CCDC157: variants seen among roughly 807,000 people sequenced by gnomAD.
The protein encoded by CCDC157 is coiled-coil domain containing 157.
A neutral mutation model predicts 70.9 loss-of-function variants in CCDC157; 60 were observed. The ratio of observed to expected loss-of-function variants is 0.85; its 90% CI spans 0.69 to 1.05. The LOEUF (loss-of-function observed/expected upper bound fraction) is 1.05. CCDC157 is among the 50% of genes least tolerant of loss of function. The pLI, the probability that CCDC157 is intolerant of heterozygous loss-of-function variation, is 0.00. For synonymous variants in CCDC157, 373 were observed against 422.4 expected, an observed-to-expected ratio of 0.88 and a Z score of 1.43; for missense variants, 943 against 984.2, an observed-to-expected ratio of 0.96 and a Z score of 0.56.
rs752632130 is a variant in CCDC157, at chr22:30,366,208, C to T, written c.208C>T (p.Gln70Ter). The change falls in exon 3 of 12, where the codon CAG (glutamine) becomes TAG (stop). Residue 70 changes from glutamine (Q) to a stop codon, truncating the protein, a stop_gained. Transcript: ENST00000338306. LOFTEE classifies it high-confidence loss of function. ...DHVPGDPEFT[Q>*]LSHAVLLELV... ...TGTTCCGGGTGACCCCGAGTTCACG[C>T]AGCTGTCCCATGCCGTGCTGCTGGA... is the stretch of plus-strand genomic sequence containing the variant. 12 of 1,613,656 alleles carry T rather than the reference C, an allele frequency of 7.4e-6. No individual in the cohort carries two copies. Among genetic ancestry groups the T allele is most frequent in the African/African-American group, 1.3e-5 (1 of 74,944 alleles).
intron 2 of CCDC157, among the ~76,000 whole-genome samples, chr22:30,365,331 G>C (rs1932646832): frequency 6.6e-6 from 1 of 151,362 alleles, no homozygotes; most frequent in South Asian, 2.1e-4. Flanking sequence ...GGTAGGAGGG[G>C]AGACTGTGGG....
At position 30,370,712 on chromosome 22, in the gene CCDC157, T is replaced by A; in HGVS notation, c.807T>A (p.Ala269=). 1 of 1,613,482 alleles carries A rather than the reference T, an allele frequency of 6.2e-7. No individual in the cohort carries two copies. Among genetic ancestry groups the A allele is most frequent in the Non-Finnish European group, 8.5e-7 (1 of 1,179,860 alleles). ...GCATGGGGCTCAGGCCACTGCCGGC[T>A]GCCACCGTGGGCCGCTGGGCAGCAG... ...QDSMGLRPLP[A]ATVGRWAAEQ... is the part of the protein sequence containing the mutation. Residue 269 remains alanine (A), a synonymous_variant, in exon 5 of 12, where the codon GCT becomes GCA. Transcript: ENST00000338306.
At chr22:30,366,324 C>A in intron 3 of CCDC157, 76 bp downstream of exon 3, 1 of 1,579,640 alleles carries the variant, frequency 6.3e-7, no homozygotes, top group Non-Finnish European at 8.7e-7. Context: ...CTACGGAAGC[C>A]CCTCCAGAGG....
chr22:30,370,609 G>GCAAGGTGGT lies in CCDC157; in HGVS notation c.707_715dup (p.Lys236_Val238dup), dbSNP rs1356373877. 6.2e-7 allele frequency: 1 copy of GCAAGGTGGT among 1,613,990 alleles called. No homozygotes were observed. The highest frequency in any genetic ancestry group is 2.2e-5 in the East Asian group (1 of 44,904). ...GTCCAGGGAAGCCTGCAGAAGGTGG[G>GCAAGGTGGT]CAAGGTGGTCATCAGCCTGTGTCAG... On this transcript the variant is annotated inframe_insertion, in exon 5 of 12. Coordinates refer to ENST00000338306, the MANE Select transcript of CCDC157 (RefSeq NM_001017437.5).
At chr22:30,370,086 A>C (rs1396156162) in intron 4 of CCDC157, 1 of 600,424 alleles carries the variant, frequency 1.7e-6, no homozygotes, top group Non-Finnish European at 3.0e-6. Flanking sequence ...CATGCATACA[A>C]TCAGATCAAG....
rs745920990 is a variant in CCDC157, at chr22:30,369,518, C to T, written c.335C>T (p.Pro112Leu). 8 of 1,607,812 alleles carry T rather than the reference C, an allele frequency of 5.0e-6. No individual in the cohort carries two copies. The highest frequency in any genetic ancestry group is 6.8e-6 in the Non-Finnish European group (8 of 1,176,694). ...QMMPPAQAAG[P>L]CMSVGLTVRR... ...ATGCCCCCTGCACAGGCTGCGGGGC[C>T]CTGCATGTCCGTGGGGCTCACGGTG... Residue 112 changes from proline (P) to leucine (L), a missense_variant, in exon 4 of 12, where the codon CCC (proline) becomes CTC (leucine). Physicochemically the swap from Pro to Leu is moderately conservative, Grantham distance 98. Coordinates refer to ENST00000338306, the MANE Select transcript of CCDC157 (RefSeq NM_001017437.5).
intron 1 of CCDC157, among the ~76,000 whole-genome samples, chr22:30,359,372 C>T (rs544816320): frequency 1.3e-5 from 2 of 152,270 alleles, no homozygotes; most frequent in East Asian, 1.9e-4. Context: ...GACACGTATC[C>T]CTTGGGTGAT....
Position 30,376,847 on chromosome 22 carries a change from G to A in CCDC157, c.*102G>A. The A allele has an allele frequency of 8.3e-7, 1 of 1,209,940 alleles. No individual in the cohort carries two copies. Among genetic ancestry groups the A allele is most frequent in the Non-Finnish European group, 1.2e-6 (1 of 866,506 alleles). 75.0% of individuals were successfully genotyped at this position (1,209,940 alleles called of 1,614,324 possible). A position where few individuals can be genotyped will look rare whatever the true frequency, so the allele number is the denominator to read the frequency against. ...CACAGCAATCTTTGCCTCACAGTAT[G>A]ACTGAGCCAAGGAAAGAACCCTTCC... On this transcript the variant is annotated 3_prime_UTR_variant, in exon 12 of 12. Coordinates refer to ENST00000338306, the MANE Select transcript of CCDC157 (RefSeq NM_001017437.5).
intron 9 of CCDC157, 113 bp downstream of exon 9, chr22:30,374,204 T>TA: frequency 1.5e-6 from 2 of 1,333,758 alleles, no homozygotes; most frequent in Non-Finnish European, 2.0e-6. Flanking sequence ...GCAAGGGTGT[T>TA]AAAGCCAGGC....
rs533468752 is a variant in CCDC157, at chr22:30,373,122, G to A, written c.1336-475G>A. The stretch of plus-strand genomic sequence containing the variant: ...GAGTGAGGTTAAGGAAGTTGCCCAA[G>A]GCCACACAGCTAGTGAGAGGTGGAG... On this transcript the variant is annotated intron_variant, in intron 7 of 11. Transcript: ENST00000338306. The A allele has an allele frequency of 3.6e-5, 6 of 164,776 alleles. No homozygotes were observed. In the East Asian group the frequency reaches 1.1e-3, roughly 31 times the overall value. The allele number at this position is 164,776 out of a possible 1,614,324, so 10.2% of individuals were successfully genotyped here. A position where few individuals can be genotyped will look rare whatever the true frequency, so the allele number is the denominator to read the frequency against.
intron 9 of CCDC157, chr22:30,374,845 A>C (rs1933225339): frequency 7.0e-6 from 3 of 429,004 alleles, no homozygotes; most frequent in Non-Finnish European, 1.4e-5. Context: ...TGCCGTTCCC[A>C]AGCTTGAGCT....
chr22:30,376,826 G>A lies in CCDC157; in HGVS notation c.*81G>A, dbSNP rs1933403741. On this transcript the variant is annotated 3_prime_UTR_variant, in exon 12 of 12. Coordinates refer to ENST00000338306, the MANE Select transcript of CCDC157 (RefSeq NM_001017437.5). ...ATAAAGCCCCAGCCATTGGCCCACA[G>A]CAATCTTTGCCTCACAGTATGACTG... The A allele has an allele frequency of 5.8e-6, 8 of 1,372,646 alleles. No individual in the cohort carries two copies. The highest frequency in any genetic ancestry group is 1.4e-5 in the African/African-American group (1 of 69,662). The allele number at this position is 1,372,646 out of a possible 1,614,324, so 85.0% of individuals were successfully genotyped here. A position where few individuals can be genotyped will look rare whatever the true frequency, so the allele number is the denominator to read the frequency against.
At position 30,377,013 on chromosome 22, in the gene CCDC157, C is replaced by CA. The variant is rs1170036188; in HGVS notation, c.*269dup. ...AGGCTGTGGGATAGGAGAGTACACCCAGGGCAGAGGAAGCTCCTAAGACCT... is the reference window on the plus strand; with the variant it reads ...AGGCTGTGGGATAGGAGAGTACACCCAAGGGCAGAGGAAGCTCCTAAGACCT... On this transcript the variant is annotated 3_prime_UTR_variant, in exon 12 of 12. Coordinates refer to ENST00000338306, the MANE Select transcript of CCDC157 (RefSeq NM_001017437.5). 1.8e-6 allele frequency: 1 copy of CA among 542,134 alleles called. No individual in the cohort carries two copies. The highest frequency in any genetic ancestry group is 3.3e-6 in the Non-Finnish European group (1 of 302,308). The allele number at this position is 542,134 out of a possible 1,614,324, so 33.6% of individuals were successfully genotyped here. A position where few individuals can be genotyped will look rare whatever the true frequency, so the allele number is the denominator to read the frequency against.
In CCDC157 at chr22:30,376,259, C is replaced by A. The variant is rs760215287; in HGVS notation, c.1858C>A (p.Leu620Met). The A allele has an allele frequency of 1.3e-6, 2 of 1,500,250 alleles. No individual in the cohort carries two copies. The highest frequency in any genetic ancestry group is 9.1e-7 in the Non-Finnish European group (1 of 1,104,800). The allele number at this position is 1,500,250 out of a possible 1,614,324, so 92.9% of individuals were successfully genotyped here. A position where few individuals can be genotyped will look rare whatever the true frequency, so the allele number is the denominator to read the frequency against. ...ACTGGCTTTTTTTTTTTTTTTGTAGCTGATCCCGCAGGACCGGCTCTGGTC... is the reference window on the plus strand; with the variant it reads ...ACTGGCTTTTTTTTTTTTTTTGTAGATGATCCCGCAGGACCGGCTCTGGTC... The part of the protein sequence containing the change: ...REVAQQGGLK[L>M]IPQDRLWSPS... Residue 620 changes from leucine (L) to methionine (M), a missense_variant and splice_region_variant, in exon 11 of 12, where the codon CTG becomes ATG. Physicochemically the swap from Leu to Met is conservative, Grantham distance 15 (BLOSUM62 2). Transcript: ENST00000338306.
chr22:30,373,756 GC>G lies in CCDC157; in HGVS notation c.1498del (p.Gln500SerfsTer24). Reference sequence around the variant, plus strand: ...GGAGCAGGGGCAATGCCAGCTCAGGGCCCAGCAGGTGAGGGTGGGGGTCTTC... The same window carrying G: ...GGAGCAGGGGCAATGCCAGCTCAGGGCCAGCAGGTGAGGGTGGGGGTCTTC... ...EREQGQCQLRAQQELLQSLQR... is the reference protein window; with the variant it reads ...EREQGQCQLRXQQELLQSLQR... On this transcript the variant is annotated frameshift_variant, in exon 8 of 12. Transcript: ENST00000338306. LOFTEE classifies it high-confidence loss of function. 6.4e-7 allele frequency: 1 copy of G among 1,552,738 alleles called. No individual in the cohort carries two copies. The highest frequency in any genetic ancestry group is 8.7e-7 in the Non-Finnish European group (1 of 1,148,096).
At chr22:30,360,027 C>T (rs73168617) in intron 1 of CCDC157, among the ~76,000 whole-genome samples, 6,497 of 152,238 alleles carry the variant, frequency 0.043, 212 homozygotes, top group Non-Finnish European at 0.067. Context: ...CACCTGTAGT[C>T]CTACCTACTC....
At chr22:30,366,904 A>T (rs1932761396) in intron 3 of CCDC157, 1 of 153,246 alleles carries the variant, frequency 6.5e-6, no homozygotes, top group South Asian at 2.0e-4. Context: ...CTAAAAATAC[A>T]AAAATTAGCT....
At chr22:30,374,414 G>C (rs1300866969) in intron 9 of CCDC157, 1 of 529,374 alleles carries the variant, frequency 1.9e-6, no homozygotes, top group Non-Finnish European at 3.6e-6. Flanking sequence ...CTCGACTTCT[G>C]TGTGTCCCCC....
rs1183791155 is a variant in CCDC157 at position 30,372,152 on chromosome 22, C to T, written c.1201C>T (p.Gln401Ter). ...AERQVQQLEE[Q>*]VQQLEAQVQL... ...GAGGCAGGTGCAGCAGCTGGAGGAG[C>T]AGGTGCAGCAGTTGGAGGCGCAGGT... Residue 401 changes from glutamine (Q) to a stop codon, truncating the protein, a stop_gained, in exon 7 of 12, where the codon CAG becomes TAG. Coordinates refer to ENST00000338306, the MANE Select transcript of CCDC157 (RefSeq NM_001017437.5). LOFTEE classifies it high-confidence loss of function. The T allele has an allele frequency of 6.4e-7, 1 of 1,560,524 alleles. No individual in the cohort carries two copies. The highest frequency in any genetic ancestry group is 8.7e-7 in the Non-Finnish European group (1 of 1,153,378).
Sources: allele counts gnomAD v4.1 joint callset (sites outside exome capture counted in the v4.1 genomes callset), GRCh38; gene constraint gnomAD v4.1.1; transcripts MANE v1.5; gene names NCBI Gene and HGNC (gene_info 2026-07-23, HGNC 2026-07-21).